The following RIN3 variants were observed in gnomAD, a reference collection of about 807,000 sequenced individuals.
RIN3 encodes the protein RAB5 interacting protein 3.
In RIN3, 54 loss-of-function variants were observed where a neutral mutation model predicts 76.3. The ratio of observed to expected loss-of-function variants is 0.71; its 90% CI spans 0.57 to 0.89. The LOEUF (loss-of-function observed/expected upper bound fraction) is 0.89. Among genes scored for constraint, RIN3 ranks in the 40% least tolerant of loss-of-function variants. RIN3 has a pLI of 0.00. For missense variants in RIN3, 1,256 were observed against 1,322.1 expected (o/e 0.95, Z 0.78); for synonymous variants, 576 against 564.0 (o/e 1.02, Z -0.30).
intron 1 of RIN3, among the ~76,000 whole-genome samples, chr14:92,529,253 CTT>C (rs869262910): frequency 3.5e-5 from 5 of 143,090 alleles, no homozygotes; most frequent in Non-Finnish European, 1.5e-5. Context: ...CTTTTTTTTT[CTT>C]TTTTTTTTTT....
intron 4 of RIN3, among the ~76,000 whole-genome samples, chr14:92,625,241 A>C (rs1886312925): frequency 1.3e-5 from 2 of 152,176 alleles, no homozygotes; most frequent in Non-Finnish European, 2.9e-5. Flanking sequence ...ATGGGGAGAC[A>C]CTTAGTCCAG....
At chr14:92,617,371 A>G (rs904068810) in intron 4 of RIN3, among the ~76,000 whole-genome samples, 4 of 151,970 alleles carry the variant, frequency 2.6e-5, no homozygotes, top group African/African-American at 9.6e-5. Context: ...TTGGTCACTT[A>G]GGTGAGAACG....
intron 1 of RIN3, among the ~76,000 whole-genome samples, chr14:92,552,769 CTT>C (rs1370447372): frequency 1.3e-5 from 2 of 152,146 alleles, no homozygotes; most frequent in Admixed American, 1.3e-4. Flanking sequence ...TCCTCTTCCT[CTT>C]TGGCAGTATT....
intron 8 of RIN3, among the ~76,000 whole-genome samples, chr14:92,677,413 T>A (rs1888505931): frequency 6.6e-6 from 1 of 152,182 alleles, no homozygotes; most frequent in Admixed American, 6.5e-5. Context: ...GCCCTGAGGG[T>A]TCCCCTTGGG....
chr14:92,627,417 A>G (rs1886394882), intron 4 of RIN3, among the ~76,000 whole-genome samples: 1 of 152,106 alleles, frequency 6.6e-6, no homozygotes, highest in African/African-American at 2.4e-5. Flanking sequence ...AGGTGACCAC[A>G]GAACCACAGA....
chr14:92,666,266 G>A lies in RIN3; in HGVS notation c.2335+6797G>A, dbSNP rs140680204. Among the ~76,000 whole-genome samples, 7 of 152,252 alleles carry A rather than the reference G, an allele frequency of 4.6e-5. No homozygotes were observed. In the East Asian group the frequency reaches 5.8e-4, roughly 13 times the overall value. On this transcript the variant is annotated intron_variant, in intron 7 of 9. Transcript: ENST00000216487. ...GCTTGAAAGGGGAATAAAATAGGGC[G>A]GGCCGCTAGCAAGACCTGTTGGAAC...
rs1311208725 is a variant in RIN3 at position 92,555,758 on chromosome 14, C to T, written c.52C>T (p.Pro18Ser). ...TTGAATTCTGTTTTTCAGTCCGGTT[C>T]CAGTTGTTGGCAAAGGAGAGGAAGA... The part of the protein sequence containing the change: ...PARGDPTGPV[P>S]VVGKGEEEEE... Residue 18 changes from proline to serine, a missense_variant, in exon 2 of 10, where the codon CCA becomes TCA. By Grantham distance (74) the Pro-to-Ser change is moderately conservative. This residue lies in a region of RIN3 where 610 missense variants were observed against 626.4 expected (regional missense o/e 0.97). Coordinates refer to ENST00000216487, the MANE Select transcript of RIN3 (RefSeq NM_024832.5). The T allele has an allele frequency of 1.9e-6, 3 of 1,614,118 alleles. No homozygotes were observed. The highest frequency in any genetic ancestry group is 2.5e-6 in the Non-Finnish European group (3 of 1,180,032).
intron 4 of RIN3, among the ~76,000 whole-genome samples, chr14:92,639,254 C>T (rs1018713352): frequency 1.3e-5 from 2 of 152,232 alleles, no homozygotes; most frequent in Non-Finnish European, 2.9e-5. Flanking sequence ...GGAGGTAGCT[C>T]TGGCCGAGGC....
In RIN3 at chr14:92,528,398, T is replaced by TTA. The variant is rs1380047554; in HGVS notation, c.44+14424_44+14425dup. Among the ~76,000 whole-genome samples, 6 of 152,328 alleles carry TTA rather than the reference T, an allele frequency of 3.9e-5. No homozygotes were observed. In the East Asian group the frequency reaches 9.7e-4, roughly 25 times the overall value. ...CGTTCCACTCTCTGCCTCAGTTTCCTTATCTGTAAAATGACAGCCTCTAAT... is the reference window on the plus strand; with the variant it reads ...CGTTCCACTCTCTGCCTCAGTTTCCTTATATCTGTAAAATGACAGCCTCTAAT... On this transcript the variant is annotated intron_variant, in intron 1 of 9. Coordinates refer to ENST00000216487, the MANE Select transcript of RIN3 (RefSeq NM_024832.5).
At chr14:92,551,291 C>G (rs1054033760) in intron 1 of RIN3, among the ~76,000 whole-genome samples, 11 of 152,104 alleles carry the variant, frequency 7.2e-5, no homozygotes, top group African/African-American at 2.4e-4. Flanking sequence ...TGGTTAATTC[C>G]TTTTTATTGC....
chr14:92,658,152 G>A (rs114167880), intron 6 of RIN3, among the ~76,000 whole-genome samples: 6,156 of 152,268 alleles, frequency 0.04, 351 homozygotes, highest in African/African-American at 0.13. Flanking sequence ...AGCCTAAGCT[G>A]GTCCATCCTC....
intron 1 of RIN3, among the ~76,000 whole-genome samples, chr14:92,529,694 G>A (rs1322735358): frequency 2.6e-5 from 4 of 152,274 alleles, no homozygotes; most frequent in African/African-American, 4.8e-5. Flanking sequence ...TGTCCTTGTC[G>A]AGGTCGATTT....
chr14:92,620,887 C>T (rs565382146), intron 4 of RIN3, among the ~76,000 whole-genome samples: 7 of 152,320 alleles, frequency 4.6e-5, no homozygotes, highest in African/African-American at 1.7e-4. Flanking sequence ...CCAATAAGTA[C>T]TCCAGCACTA....
chr14:92,515,196 C>T lies in RIN3; in HGVS notation c.44+1220C>T, dbSNP rs980522828. 3 of 687,230 alleles carry T rather than the reference C, an allele frequency of 4.4e-6. No individual in the cohort carries two copies. In the East Asian group the frequency reaches 8.3e-5, roughly 19 times the overall value. 42.6% of individuals were successfully genotyped at this position (687,230 alleles called of 1,614,324 possible). A position where few individuals can be genotyped will look rare whatever the true frequency, so the allele number is the denominator to read the frequency against. ...ATTCTGGATGCTGGTTTCTTTCTCT[C>T]GAAAGCGACCTCTGCAAAGACAAAT... is the stretch of plus-strand genomic sequence containing the variant. On this transcript the variant is annotated intron_variant, in intron 1 of 9. Coordinates refer to ENST00000216487, the MANE Select transcript of RIN3 (RefSeq NM_024832.5).
intron 1 of RIN3, among the ~76,000 whole-genome samples, chr14:92,550,645 C>T (rs922179976): frequency 1.3e-5 from 2 of 152,206 alleles, no homozygotes; most frequent in African/African-American, 4.8e-5. Context: ...TCTCAAACTC[C>T]TGGGCTCAAA....
At chr14:92,558,227 T>TA (rs964618444) in intron 2 of RIN3, among the ~76,000 whole-genome samples, 2 of 152,116 alleles carry the variant, frequency 1.3e-5, no homozygotes, top group African/African-American at 4.8e-5. Context: ...TGTGCACTTG[T>TA]AATCCCAGCT....
intron 1 of RIN3, among the ~76,000 whole-genome samples, chr14:92,543,461 T>G (rs897843875): frequency 2.0e-5 from 3 of 152,004 alleles, no homozygotes; most frequent in Non-Finnish European, 2.9e-5. Context: ...GAGAGGGAAC[T>G]GAAGTGTTAG....
chr14:92,641,368 G>C, intron 5 of RIN3, 39 bp downstream of exon 5: 1 of 1,499,680 alleles, frequency 6.7e-7, no homozygotes, highest in African/African-American at 1.4e-5. Context: ...CTGGTGGGGC[G>C]TTAGGAACTG....
At chr14:92,611,144 C>G (rs1313739421) in intron 3 of RIN3, among the ~76,000 whole-genome samples, 1 of 152,186 alleles carries the variant, frequency 6.6e-6, no homozygotes, top group Non-Finnish European at 1.5e-5. Context: ...GCGGAAGCAT[C>G]TGTTCCATGC....
Sources: allele counts gnomAD v4.1 joint callset (sites outside exome capture counted in the v4.1 genomes callset), GRCh38; gene constraint gnomAD v4.1.1; regional missense constraint gnomAD v4.1.1; transcripts MANE v1.5; gene names NCBI Gene and HGNC (gene_info 2026-07-23, HGNC 2026-07-21).